EIPR1: variants seen among roughly 807,000 people sequenced by gnomAD.
EIPR1 encodes EARP and GARP complex-interacting protein 1.
Under a neutral mutation model 48.1 loss-of-function variants are expected in EIPR1, and 25 were observed. The ratio of observed to expected loss-of-function variants is 0.52; its 90% CI spans 0.38 to 0.73. The LOEUF is 0.73. Among genes scored for constraint, EIPR1 ranks in the 30% least tolerant of loss-of-function variants. The probability of loss-of-function intolerance (pLI) is 0.00; values close to 1 mark genes in which losing one functional copy is unlikely to be tolerated. For synonymous variants in EIPR1, 204 were observed against 201.9 expected, an observed-to-expected ratio of 1.01 and a Z score of -0.09; for missense variants, 415 against 506.2, an observed-to-expected ratio of 0.82 and a Z score of 1.73.
intron 3 of EIPR1, chr2:3,301,108 A>C (rs915336900): frequency 9.9e-5 from 15 of 152,162 alleles, no homozygotes; most frequent in African/African-American, 2.7e-4. Flanking sequence ...AAGTTCCAAA[A>C]ATGTTTTGGG....
intron 2 of EIPR1, among the ~76,000 whole-genome samples, chr2:3,350,940 C>T (rs1193384746): frequency 3.0e-5 from 2 of 65,856 alleles, no homozygotes; most frequent in African/African-American, 6.5e-5. Flanking sequence ...AATGTTACTT[C>T]GTTCCAAAAA....
intron 3 of EIPR1, among the ~76,000 whole-genome samples, chr2:3,311,940 C>T (rs765170345): frequency 5.9e-5 from 9 of 152,188 alleles, no homozygotes; most frequent in Admixed American, 3.3e-4. Context: ...CTGAATCCTG[C>T]GGGAACCTGG....
intron 1 of EIPR1, chr2:3,377,329 G>T: frequency 2.7e-6 from 1 of 364,902 alleles, no homozygotes; most frequent in Non-Finnish European, 4.9e-6. Flanking sequence ...CTACCTTCAG[G>T]AACTCAAATT....
intron 4 of EIPR1, among the ~76,000 whole-genome samples, chr2:3,246,723 C>A (rs1215071131): frequency 6.8e-6 from 1 of 147,308 alleles, no homozygotes; most frequent in Non-Finnish European, 1.5e-5. Context: ...CTCCTCCCTG[C>A]CGGGGTGGTA....
At chr2:3,272,630 C>A (rs1667732053) in intron 3 of EIPR1, among the ~76,000 whole-genome samples, 2 of 152,102 alleles carry the variant, frequency 1.3e-5, no homozygotes, top group South Asian at 4.2e-4. Context: ...TCGTGGAGCC[C>A]CAAAACAATT....
At chr2:3,204,623 ATG>A (rs1329520649) in intron 5 of EIPR1, among the ~76,000 whole-genome samples, 1 of 152,262 alleles carries the variant, frequency 6.6e-6, no homozygotes, top group African/African-American at 2.4e-5. Context: ...TAATGCCAGA[ATG>A]TGAACAAAAG....
chr2:3,199,071 C>CCCCCCT (rs1558216901), intron 5 of EIPR1, among the ~76,000 whole-genome samples: 1 of 50,410 alleles, frequency 2.0e-5, no homozygotes, highest in African/African-American at 6.1e-5. Flanking sequence ...GCCCCCCCCC[C>CCCCCCT]GCCCCGGGAA....
intron 1 of EIPR1, among the ~76,000 whole-genome samples, chr2:3,375,679 G>A (rs946576816): frequency 6.6e-6 from 1 of 152,182 alleles, no homozygotes; most frequent in East Asian, 1.9e-4. Flanking sequence ...GTCTAAGTAG[G>A]TCAGAATCCA....
rs148621025 is a variant in EIPR1 at position 3,338,140 on chromosome 2, T to C, written c.136A>G (p.Ile46Val). ...SLKYDNQIHI[I>V]DFDDENNIIN... Reference sequence around the variant, plus strand: ...ATGTTGTTTTCATCGTCAAAATCTATGATATGGATCTACAAATACAAGAAA... The same window carrying C: ...ATGTTGTTTTCATCGTCAAAATCTACGATATGGATCTACAAATACAAGAAA... The change falls in exon 3 of 9, where the codon ATA (isoleucine) becomes GTA (valine). Residue 46 changes from isoleucine (I) to valine (V), a missense_variant. Ile to Val is a conservative substitution (Grantham distance 29). Transcript: ENST00000382125. 7.5e-6 allele frequency: 12 copies of C among 1,609,970 alleles called. No individual in the cohort carries two copies. Among genetic ancestry groups the C allele is most frequent in the Non-Finnish European group, 1.0e-5 (12 of 1,179,244 alleles).
chr2:3,317,383 G>A (rs1279538485), intron 3 of EIPR1, among the ~76,000 whole-genome samples: 6 of 148,980 alleles, frequency 4.0e-5, no homozygotes, highest in East Asian at 2.0e-4. Context: ...GGTGCTGACC[G>A]AGCTGAGGGC....
intron 3 of EIPR1, among the ~76,000 whole-genome samples, chr2:3,274,869 T>C (rs941517956): frequency 2.0e-5 from 3 of 152,164 alleles, no homozygotes; most frequent in African/African-American, 7.2e-5. Flanking sequence ...TCAGATTTCA[T>C]GTTAAATATG....
chr2:3,309,386 A>G (rs1428582902), intron 3 of EIPR1, among the ~76,000 whole-genome samples: 2 of 152,256 alleles, frequency 1.3e-5, no homozygotes, highest in African/African-American at 4.8e-5. Flanking sequence ...AAAATGGAGT[A>G]TTAAAAAACG....
In EIPR1 at chr2:3,355,841, T is replaced by TAAAA. The variant is rs1231373876; in HGVS notation, c.43-1209_43-1208insTTTT. The stretch of plus-strand genomic sequence containing the variant: ...TAAAATAAAATAAAATAAAATAAAA[T>TAAAA]GAATAAATAATTAAAATAGCCAGTC... On this transcript the variant is annotated intron_variant, in intron 1 of 8. Coordinates refer to ENST00000382125, the MANE Select transcript of EIPR1 (RefSeq NM_003310.5). Among the ~76,000 whole-genome samples, 6 of 146,078 alleles carry TAAAA rather than the reference T, an allele frequency of 4.1e-5. No individual in the cohort carries two copies. In the South Asian group the frequency reaches 1.3e-3, roughly 32 times the overall value.
intron 3 of EIPR1, among the ~76,000 whole-genome samples, chr2:3,284,762 T>C (rs574695580): frequency 2.6e-5 from 4 of 152,242 alleles, no homozygotes; most frequent in Non-Finnish European, 4.4e-5. Flanking sequence ...CGTGTCATTA[T>C]CCTGCCTTTC....
At chr2:3,197,088 G>A (rs1378293755) in intron 5 of EIPR1, 71 bp from the exon 6 acceptor site, 34 of 1,549,102 alleles carry the variant, frequency 2.2e-5, no homozygotes, top group Admixed American at 8.7e-5. Context: ...CAGAAAACGC[G>A]AGAGGATATC....
intron 4 of EIPR1, among the ~76,000 whole-genome samples, chr2:3,253,644 G>T (rs1293757486): frequency 6.6e-6 from 1 of 152,222 alleles, no homozygotes; most frequent in Non-Finnish European, 1.5e-5. Context: ...TCCATAGGCT[G>T]CCTGGCTCTG....
intron 4 of EIPR1, among the ~76,000 whole-genome samples, chr2:3,219,038 T>A (rs1412390738): frequency 1.3e-5 from 2 of 151,058 alleles, no homozygotes; most frequent in South Asian, 4.2e-4. Context: ...TCTAGAGCAT[T>A]CACAGTGACT....
intron 3 of EIPR1, among the ~76,000 whole-genome samples, chr2:3,330,894 A>C: frequency 9.9e-6 from 1 of 101,428 alleles, no homozygotes; most frequent in East Asian, 6.5e-4. Context: ...ACAGGTGCAC[A>C]CACTCATGAG....
intron 2 of EIPR1, among the ~76,000 whole-genome samples, chr2:3,353,550 T>C (rs571647768): frequency 1.3e-5 from 2 of 152,240 alleles, no homozygotes; most frequent in Admixed American, 6.5e-5. Flanking sequence ...CAATTTCATA[T>C]TGTTCAACCT....
Sources: allele counts gnomAD v4.1 joint callset (sites outside exome capture counted in the v4.1 genomes callset), GRCh38; gene constraint gnomAD v4.1.1; transcripts MANE v1.5; gene names NCBI Gene and HGNC (gene_info 2026-07-23, HGNC 2026-07-21).